RBFOX1: variants seen among roughly 807,000 people sequenced by gnomAD.
The protein encoded by RBFOX1 is RNA binding protein fox-1 homolog 1.
Under a neutral mutation model 57.7 loss-of-function variants are expected in RBFOX1, and 8 were observed. The ratio of observed to expected loss-of-function variants is 0.14; its 90% CI spans 0.08 to 0.25. The LOEUF is 0.25. Ranked by LOEUF, RBFOX1 falls within the 10% of genes least tolerant of loss-of-function variation. RBFOX1 has a pLI of 1.00. For missense variants in RBFOX1, 611 were observed against 548.5 expected, an observed-to-expected ratio of 1.11 and a Z score of -1.14; for synonymous variants, 326 against 222.4, an observed-to-expected ratio of 1.47 and a Z score of -4.15.
chr16:6,053,222 C>T (rs1023715656), intron 1 of RBFOX1, among the ~76,000 whole-genome samples: 2 of 152,122 alleles, frequency 1.3e-5, no homozygotes, highest in African/African-American at 4.8e-5. Context: ...AACTCCTGCC[C>T]CCAATCTTGC....
chr16:6,369,576 C>T (rs989754623), intron 2 of RBFOX1, among the ~76,000 whole-genome samples: 2 of 152,122 alleles, frequency 1.3e-5, no homozygotes, highest in Admixed American at 6.5e-5. Flanking sequence ...TCCATGTCCT[C>T]GAGGGCTGGT....
chr16:6,396,922 T>C (rs56691021), intron 2 of RBFOX1, among the ~76,000 whole-genome samples: 55,674 of 151,674 alleles, frequency 0.37, 11,440 homozygotes, highest in African/African-American at 0.57. Flanking sequence ...ATATTTGAAA[T>C]GACAGTTTTA....
At chr16:6,312,036 A>G (rs2080382421) in intron 1 of RBFOX1, among the ~76,000 whole-genome samples, 1 of 152,182 alleles carries the variant, frequency 6.6e-6, no homozygotes, top group Non-Finnish European at 1.5e-5. Context: ...ATAATCCCTG[A>G]TGTGATCAAG....
At chr16:7,518,661 A>G (rs2076901248) in intron 5 of RBFOX1, among the ~76,000 whole-genome samples, 1 of 152,200 alleles carries the variant, frequency 6.6e-6, no homozygotes, top group South Asian at 2.1e-4. Context: ...TTGCCTTTCT[A>G]GAATGTCATC....
At chr16:5,856,217 GTATATATATA>G (rs1491051275) in intron 3 of RBFOX1, among the ~76,000 whole-genome samples, 1 of 32,190 alleles carries the variant, frequency 3.1e-5, no homozygotes, top group African/African-American at 1.3e-4. Context: ...ACATATATAT[GTATATATATA>G]TGTATATATA....
intron 3 of RBFOX1, among the ~76,000 whole-genome samples, chr16:7,029,238 A>C (rs2042125623): frequency 1.5e-5 from 1 of 67,676 alleles, no homozygotes. Context: ...ATATATACGT[A>C]TACGTATATA....
intron 3 of RBFOX1, among the ~76,000 whole-genome samples, chr16:6,902,162 G>C (rs4786128): frequency 0.79 from 119,682 of 151,928 alleles, 47,889 homozygotes; most frequent in East Asian, 0.93. Flanking sequence ...TTTCGTACCT[G>C]GGATATTCAT....
intron 2 of RBFOX1, among the ~76,000 whole-genome samples, chr16:5,536,101 C>CCCA (rs777761255): frequency 0.017 from 1,938 of 117,160 alleles, 31 homozygotes; most frequent in Middle Eastern, 0.088. Context: ...TCAAGCCCCC[C>CCCA]CCCCCTTTTT....
chr16:6,460,364 C>T (rs966492525), intron 2 of RBFOX1, among the ~76,000 whole-genome samples: 7 of 151,678 alleles, frequency 4.6e-5, no homozygotes, highest in African/African-American at 1.2e-4. Flanking sequence ...TGACAAAGGT[C>T]TAATATCCAG....
chr16:6,569,644 C>G (rs112578287), intron 2 of RBFOX1, among the ~76,000 whole-genome samples: 188 of 152,308 alleles, frequency 1.2e-3, no homozygotes, highest in African/African-American at 4.4e-3. Context: ...CTCTGTCAAC[C>G]TTTCTGTCCA....
At chr16:5,623,505 C>T (rs1038111088) in intron 3 of RBFOX1, among the ~76,000 whole-genome samples, 1 of 152,200 alleles carries the variant, frequency 6.6e-6, no homozygotes, top group South Asian at 2.1e-4. Context: ...CCCATGAAGA[C>T]TTTTCTGCAT....
At chr16:5,423,567 C>G (rs772065494) in intron 1 of RBFOX1, among the ~76,000 whole-genome samples, 2 of 152,150 alleles carry the variant, frequency 1.3e-5, no homozygotes, top group South Asian at 2.1e-4. Flanking sequence ...CTGCGTGTCT[C>G]TGAGGCCATT....
intron 3 of RBFOX1, among the ~76,000 whole-genome samples, chr16:6,886,691 G>T (rs1393013314): frequency 6.6e-6 from 1 of 151,694 alleles, no homozygotes; most frequent in African/African-American, 2.4e-5. Context: ...GCAGGCAGAG[G>T]TTGCACTAAA....
rs150843149 is a variant in RBFOX1, at chr16:5,295,784, G to T, written c.219+55679G>T. ...TCTCTTGGTTATAAGAAAGTCATAGGCCCCACCCACATTAACAGGGAAGAG... is the reference window on the plus strand; with the variant it reads ...TCTCTTGGTTATAAGAAAGTCATAGTCCCCACCCACATTAACAGGGAAGAG... On this transcript the variant is annotated intron_variant, in intron 1 of 2. Coordinates refer to the RBFOX1 transcript ENST00000585867. Among the ~76,000 whole-genome samples the T allele has an allele frequency of 8.7e-3, 1,328 of 152,218 alleles. 24 individuals carry two copies. Among genetic ancestry groups the T allele is most frequent in the African/African-American group, 0.031 (1,272 of 41,522 alleles).
At chr16:5,244,459 C>T (rs371313292) in intron 1 of RBFOX1, among the ~76,000 whole-genome samples, 1 of 152,210 alleles carries the variant, frequency 6.6e-6, no homozygotes, top group African/African-American at 2.4e-5. Flanking sequence ...GTGGCCTACC[C>T]AGTTCACTCC....
chr16:7,382,115 C>T (rs761572693), intron 4 of RBFOX1, among the ~76,000 whole-genome samples: 1 of 152,110 alleles, frequency 6.6e-6, no homozygotes, highest in Non-Finnish European at 1.5e-5. Context: ...TCTGAGAAAA[C>T]AATATATTTG....
At chr16:7,236,393 C>T (rs758689683) in intron 4 of RBFOX1, among the ~76,000 whole-genome samples, 52 of 152,162 alleles carry the variant, frequency 3.4e-4, no homozygotes, top group Middle Eastern at 3.2e-3. Context: ...GGCGTACCCT[C>T]TTTTAAGGTA....
chr16:6,029,170 G>T (rs777030961), intron 1 of RBFOX1, among the ~76,000 whole-genome samples: 1 of 152,136 alleles, frequency 6.6e-6, no homozygotes, highest in Admixed American at 6.5e-5. Context: ...TAGTTAGTGT[G>T]CTGTGATTTG....
In RBFOX1 at chr16:6,571,772, C is replaced by A. The variant is rs567360207; in HGVS notation, c.-63-82831C>A. 1.2e-4 allele frequency among the ~76,000 whole-genome samples: 19 copies of A among 152,154 alleles called. 1 individual carries two copies. The South Asian group carries it at 3.9e-3, about 32-fold the overall frequency. On this transcript the variant is annotated intron_variant, in intron 2 of 15. Transcript: ENST00000550418. ...CAGCAGAGTTCTGGGCCTGCTGCAG[C>A]CACTCAGTAAATATTTTTTGAGTGA...
Sources: allele counts gnomAD v4.1 joint callset (sites outside exome capture counted in the v4.1 genomes callset), GRCh38; gene constraint gnomAD v4.1.1; transcripts MANE v1.5; gene names NCBI Gene and HGNC (gene_info 2026-07-23, HGNC 2026-07-21).